VIPR2: variants seen among roughly 807,000 people sequenced by gnomAD.
The protein encoded by VIPR2 is vasoactive intestinal peptide receptor 2, also known as vasoactive intestinal polypeptide receptor 2.
In VIPR2, 48 loss-of-function variants were observed where a neutral mutation model predicts 58.0. That is an observed-to-expected ratio of 0.83 (90% CI 0.66 to 1.05). The LOEUF (loss-of-function observed/expected upper bound fraction) is 1.05. VIPR2 is among the 50% of genes least tolerant of loss of function. The pLI, the probability that VIPR2 is intolerant of heterozygous loss-of-function variation, is 0.00. For synonymous variants in VIPR2, 243 were observed against 235.2 expected (o/e 1.03, Z -0.30); for missense variants, 534 against 558.0 (o/e 0.96, Z 0.43).
intron 4 of VIPR2, among the ~76,000 whole-genome samples, chr7:159,083,195 T>C (rs1585441751): frequency 6.6e-6 from 1 of 152,290 alleles, no homozygotes; most frequent in Non-Finnish European, 1.5e-5. Flanking sequence ...CGGAGCAGCC[T>C]TGACACTCAC....
chr7:159,102,863 C>G (rs943400601), intron 4 of VIPR2, among the ~76,000 whole-genome samples: 2 of 152,186 alleles, frequency 1.3e-5, no homozygotes, highest in Non-Finnish European at 2.9e-5. Context: ...CCAATGTATC[C>G]CCTGCCTCCT....
intron 4 of VIPR2, among the ~76,000 whole-genome samples, chr7:159,083,420 C>G (rs1857013024): frequency 6.6e-6 from 1 of 152,254 alleles, no homozygotes. Context: ...CTTCTGGGAG[C>G]AGTTTCCTCA....
chr7:159,144,024 TCGG>T (rs1797583711), intron 1 of VIPR2, among the ~76,000 whole-genome samples: 2 of 152,182 alleles, frequency 1.3e-5, no homozygotes, highest in Admixed American at 1.3e-4. Flanking sequence ...CAGACCTGCC[TCGG>T]CTGCGACGCG....
chr7:159,108,956 G>C (rs1456785061), intron 3 of VIPR2, among the ~76,000 whole-genome samples: 1 of 152,184 alleles, frequency 6.6e-6, no homozygotes, highest in Admixed American at 6.5e-5. Context: ...GCAACTCGGG[G>C]TGAGAAAGTC....
Position 159,039,973 on chromosome 7 carries a change from C to T in VIPR2, c.597+3062G>A, listed in dbSNP as rs189631383. On this transcript the variant is annotated intron_variant, in intron 6 of 12. Transcript: ENST00000262178. ...CCGTGTGCCGCCTGAAAGCAGGCGCCGACCTGGTGGGGCCCTGGCACATTC... is the reference window on the plus strand; with the variant it reads ...CCGTGTGCCGCCTGAAAGCAGGCGCTGACCTGGTGGGGCCCTGGCACATTC... 4.3e-3 allele frequency among the ~76,000 whole-genome samples: 648 copies of T among 152,312 alleles called. 6 individuals carry two copies. Among genetic ancestry groups the T allele is most frequent in the African/African-American group, 0.014 (598 of 41,568 alleles).
At chr7:159,130,173 T>G (rs574203338) in intron 2 of VIPR2, among the ~76,000 whole-genome samples, 8 of 152,336 alleles carry the variant, frequency 5.3e-5, no homozygotes, top group African/African-American at 1.9e-4. Context: ...CATCTTGACT[T>G]TAGATGCCCT....
chr7:159,055,167 A>G (rs1318584964), intron 5 of VIPR2, among the ~76,000 whole-genome samples: 1 of 152,224 alleles, frequency 6.6e-6, no homozygotes. Flanking sequence ...TGCAACATGG[A>G]TGAACCTCCT....
intron 2 of VIPR2, among the ~76,000 whole-genome samples, chr7:159,110,187 C>G (rs1795937749): frequency 6.6e-6 from 1 of 152,188 alleles, no homozygotes; most frequent in South Asian, 2.1e-4. Flanking sequence ...TTCTTGTGAT[C>G]AGCATTTCCT....
intron 4 of VIPR2, among the ~76,000 whole-genome samples, chr7:159,090,559 G>A (rs113074457): frequency 5.1e-4 from 43 of 84,254 alleles, no homozygotes; most frequent in South Asian, 1.5e-3. Context: ...CCACGCACAG[G>A]GGCCACCTCT....
intron 3 of VIPR2, among the ~76,000 whole-genome samples, chr7:159,104,231 C>A (rs554268140): frequency 6.6e-6 from 1 of 152,332 alleles, no homozygotes; most frequent in South Asian, 2.1e-4. Context: ...CAGCCTGCCC[C>A]AGTTCCTGAC....
chr7:159,136,765 A>C (rs982575399), intron 2 of VIPR2, among the ~76,000 whole-genome samples: 2 of 152,202 alleles, frequency 1.3e-5, no homozygotes, highest in Non-Finnish European at 2.9e-5. Context: ...CTCATAAGTA[A>C]AGAATGTGAA....
intron 2 of VIPR2, among the ~76,000 whole-genome samples, chr7:159,140,322 C>G (rs1376305854): frequency 6.6e-6 from 1 of 152,196 alleles, no homozygotes; most frequent in Non-Finnish European, 1.5e-5. Flanking sequence ...CCCATCTAAT[C>G]AGACGCCTGC....
intron 4 of VIPR2, among the ~76,000 whole-genome samples, chr7:159,063,957 C>CG (rs1246214086): frequency 8.7e-6 from 1 of 115,208 alleles, no homozygotes; most frequent in Non-Finnish European, 1.8e-5. Context: ...TGGCGGGGTC[C>CG]GGGGGTCGTG....
intron 5 of VIPR2, among the ~76,000 whole-genome samples, chr7:159,049,520 C>T (rs917055558): frequency 7.2e-5 from 11 of 152,194 alleles, no homozygotes; most frequent in Non-Finnish European, 1.0e-4. Context: ...AGGGCCATAG[C>T]GAGGGCAGCC....
chr7:159,044,684 T>C (rs1236140302), intron 5 of VIPR2, among the ~76,000 whole-genome samples: 4 of 149,916 alleles, frequency 2.7e-5, no homozygotes, highest in African/African-American at 4.9e-5. Flanking sequence ...ATAAAAGAGA[T>C]AGAAATTAGA....
At position 159,127,833 on chromosome 7, in the gene VIPR2, G is replaced by A. The variant is rs959581683; in HGVS notation, c.151+14613C>T. Among the ~76,000 whole-genome samples the A allele has an allele frequency of 6.6e-5, 10 of 152,204 alleles. No homozygotes were observed. The highest frequency in any genetic ancestry group is 1.7e-4 in the African/African-American group (7 of 41,442). The stretch of plus-strand genomic sequence containing the variant: ...TTTTCCCAAACTCCTGCCACGGCTC[G>A]GATGCTGCTGGGGCCGCAGGGGCTT... On this transcript the variant is annotated intron_variant, in intron 2 of 12. Coordinates refer to ENST00000262178, the MANE Select transcript of VIPR2 (RefSeq NM_003382.5). This position sits in a 1 kb window ranked among gnomAD's most constrained non-coding sequence, Gnocchi z 4.6.
chr7:159,065,945 T>A (rs1282196999), intron 4 of VIPR2, among the ~76,000 whole-genome samples: 1 of 152,226 alleles, frequency 6.6e-6, no homozygotes, highest in Non-Finnish European at 1.5e-5. Flanking sequence ...AAAACGCAGG[T>A]GAAGCAAATT....
At chr7:159,061,580 GAAGGTGGAGGCTGCCTAAGC>G (rs2129494129) in intron 4 of VIPR2, among the ~76,000 whole-genome samples, 1 of 152,068 alleles carries the variant, frequency 6.6e-6, no homozygotes, top group African/African-American at 2.4e-5. Flanking sequence ...CCTGTGCCAG[GAAGGTGGAGGCTGCCTAAGC>G]TGTGATCACA....
In VIPR2 at chr7:159,093,369, G is replaced by A. The variant is rs1034236825; in HGVS notation, c.357+10388C>T. On this transcript the variant is annotated intron_variant, in intron 4 of 12. Coordinates refer to ENST00000262178, the MANE Select transcript of VIPR2 (RefSeq NM_003382.5). The surrounding 1 kb of genome is among the most constrained non-coding windows in gnomAD (Gnocchi z 6.7). ...TCAGACCAACCGTGTTTTAAGAAGC[G>A]TCCTTTAGTAGAAGTCAGGGCAGGC... Among the ~76,000 whole-genome samples the A allele has an allele frequency of 4.6e-5, 7 of 152,314 alleles. No homozygotes were observed. Among genetic ancestry groups the A allele is most frequent in the South Asian group, 2.1e-4 (1 of 4,824 alleles).
Sources: allele counts gnomAD v4.1 joint callset (sites outside exome capture counted in the v4.1 genomes callset), GRCh38; gene constraint gnomAD v4.1.1; non-coding constraint Gnocchi (gnomAD v3.1); transcripts MANE v1.5; gene names NCBI Gene and HGNC (gene_info 2026-07-23, HGNC 2026-07-21).